The following MGAT4C variants were observed in gnomAD, a reference collection of about 807,000 sequenced individuals.
The protein encoded by MGAT4C is alpha-1,3-mannosyl-glycoprotein 4-beta-N-acetylglucosaminyltransferase C.
Under a neutral mutation model 40.1 loss-of-function variants are expected in MGAT4C, and 19 were observed. The ratio of observed to expected loss-of-function variants is 0.47; its 90% confidence interval spans 0.33 to 0.70. MGAT4C has a LOEUF of 0.70. MGAT4C is among the 30% of genes least tolerant of loss of function. MGAT4C has a pLI of 0.02. For missense variants in MGAT4C, 491 were observed against 563.2 expected, an observed-to-expected ratio of 0.87 and a Z score of 1.30; for synonymous variants, 181 against 187.1, an observed-to-expected ratio of 0.97 and a Z score of 0.27.
intron 1 of MGAT4C, among the ~76,000 whole-genome samples, chr12:86,146,462 C>A (rs539891507): frequency 1.2e-3 from 188 of 152,198 alleles, no homozygotes; most frequent in African/African-American, 4.3e-3. Flanking sequence ...TCCATTCACT[C>A]CCCTGGACTG....
At position 85,964,106 on chromosome 12, in the gene MGAT4C, A is replaced by C. The variant is rs1883243381; in HGVS notation, c.*15183T>G. On this transcript the variant is annotated 3_prime_UTR_variant, in exon 5 of 5. Coordinates refer to ENST00000611864, the MANE Select transcript of MGAT4C (RefSeq NM_001351288.2). ...CAATTACTGGTGTTTCAACAGAAAT[A>C]AACCCAACATCAGGATTTATCAAAT... 6.6e-6 allele frequency: 1 copy of C among 152,114 alleles called. No homozygotes were observed. The highest frequency in any genetic ancestry group is 1.5e-5 in the Non-Finnish European group (1 of 67,960). The allele number at this position is 152,114 out of a possible 1,614,324, so 9.4% of individuals were successfully genotyped here.
intron 2 of MGAT4C, among the ~76,000 whole-genome samples, chr12:86,568,449 GAC>G (rs1012004009): frequency 6.6e-6 from 1 of 151,706 alleles, no homozygotes; most frequent in African/African-American, 2.4e-5. Context: ...GAGGTTTTGA[GAC>G]ACAGATTGGC....
At chr12:86,552,026 CAA>C (rs201076856) in intron 2 of MGAT4C, among the ~76,000 whole-genome samples, 7 of 60,646 alleles carry the variant, frequency 1.2e-4, no homozygotes, top group Admixed American at 1.7e-4. Flanking sequence ...TTAAAAAAAG[CAA>C]AAAAAAAAAA....
At chr12:86,505,908 A>C (rs1457540962) in intron 2 of MGAT4C, among the ~76,000 whole-genome samples, 1 of 152,148 alleles carries the variant, frequency 6.6e-6, no homozygotes, top group African/African-American at 2.4e-5. Context: ...ATAAATCTAG[A>C]TTTTAAACAG....
chr12:85,962,837 A>G lies in MGAT4C; in HGVS notation c.*16452T>C, dbSNP rs1883183708. On this transcript the variant is annotated 3_prime_UTR_variant, in exon 5 of 5. Coordinates refer to ENST00000611864, the MANE Select transcript of MGAT4C (RefSeq NM_001351288.2). ...TCCACTCATTAAATAACATGGTAAG[A>G]CTGTTGTGTAATTGACTGAATAGTT... The G allele has an allele frequency of 2.0e-5, 3 of 151,602 alleles. No homozygotes were observed. The highest frequency in any genetic ancestry group is 3.0e-5 in the Non-Finnish European group (2 of 67,672). The allele number at this position is 151,602 out of a possible 1,614,324, so 9.4% of individuals were successfully genotyped here.
At chr12:86,713,097 C>T (rs1397701801) in intron 2 of MGAT4C, among the ~76,000 whole-genome samples, 1 of 37,104 alleles carries the variant, frequency 2.7e-5, no homozygotes, top group Non-Finnish European at 1.3e-4. Context: ...AGGCTGCACA[C>T]ACATACACAC....
intron 1 of MGAT4C, among the ~76,000 whole-genome samples, chr12:86,138,495 A>ATATATATCATATATATATTTCCATT (rs1882319738): frequency 6.8e-6 from 1 of 147,590 alleles, no homozygotes; most frequent in Non-Finnish European, 1.5e-5. Flanking sequence ...ATATTTCCAT[A>ATATATATCATATATATATTTCCATT]TATATATCAT....
chr12:86,104,306 G>A (rs1175938794), intron 1 of MGAT4C, among the ~76,000 whole-genome samples: 1 of 151,430 alleles, frequency 6.6e-6, no homozygotes, highest in African/African-American at 2.4e-5. Context: ...CGGGCATGGT[G>A]ACTCACGCCT....
intron 2 of MGAT4C, among the ~76,000 whole-genome samples, chr12:86,028,958 AC>A (rs1234468084): frequency 6.6e-6 from 1 of 151,902 alleles, no homozygotes; most frequent in Admixed American, 6.6e-5. Flanking sequence ...AGTAGTATGC[AC>A]TGTCTTCTCT....
chr12:85,989,529 T>C lies in MGAT4C; in HGVS notation c.18A>G (p.Gln6=), dbSNP rs770892207. 2.9e-5 allele frequency: 46 copies of C among 1,604,522 alleles called. No individual in the cohort carries two copies. The highest frequency in any genetic ancestry group is 4.0e-5 in the African/African-American group (3 of 74,634). MFKFH[Q]MKHIFEILDK... is the part of the protein sequence containing the mutation. ...CAAGTATTTCAAAAATATGTTTCATTTGATGAAATTTAAACATTCTCTTCT... is the reference window on the plus strand; with the variant it reads ...CAAGTATTTCAAAAATATGTTTCATCTGATGAAATTTAAACATTCTCTTCT... The change falls in exon 3 of 5, where the codon CAA becomes CAG. Residue 6 remains glutamine (Q), a synonymous_variant. Coordinates refer to ENST00000611864, the MANE Select transcript of MGAT4C (RefSeq NM_001351288.2).
At position 85,979,962 on chromosome 12, in the gene MGAT4C, G is replaced by C; in HGVS notation, c.764C>G (p.Ser255Cys). ...GAGTTTACCAATGTAGCCAAGCTTAGAGAATTCAAGAGTTACCCAGTAAGT... is the reference window on the plus strand; with the variant it reads ...GAGTTTACCAATGTAGCCAAGCTTACAGAATTCAAGAGTTACCCAGTAAGT... Reference protein sequence around the residue: ...EGTYWVTLEFSKLGYIGKLYH... With the variant: ...EGTYWVTLEFCKLGYIGKLYH... Residue 255 changes from serine to cysteine, a missense_variant, in exon 5 of 5, where the codon TCT becomes TGT. Ser to Cys is a moderately radical substitution (Grantham distance 112). Transcript: ENST00000611864. The C allele has an allele frequency of 1.2e-6, 2 of 1,613,758 alleles. No homozygotes were observed. Among genetic ancestry groups the C allele is most frequent in the Non-Finnish European group, 1.7e-6 (2 of 1,179,844 alleles).
At chr12:86,434,392 T>C (rs1957099484) in intron 3 of MGAT4C, among the ~76,000 whole-genome samples, 1 of 151,924 alleles carries the variant, frequency 6.6e-6, no homozygotes. Flanking sequence ...ATTTTGCTCA[T>C]GTCAAATATT....
At position 86,535,100 on chromosome 12, in the gene MGAT4C, A is replaced by G. The variant is rs372143120; in HGVS notation, c.-228-99835T>C. On this transcript the variant is annotated intron_variant, in intron 2 of 7. Transcript: ENST00000548651. ...TACTGTGAATACATAATTTAGAGTG[A>G]AAGCATTTGCAGTCTAATTATTGAT... Among the ~76,000 whole-genome samples the G allele has an allele frequency of 2.0e-5, 3 of 152,148 alleles. No homozygotes were observed. In the South Asian group the frequency reaches 6.2e-4, roughly 31 times the overall value.
intron 3 of MGAT4C, among the ~76,000 whole-genome samples, chr12:86,341,544 C>T (rs909271118): frequency 9.8e-5 from 15 of 152,332 alleles, no homozygotes; most frequent in Middle Eastern, 3.4e-3. Context: ...GAGCACCTCA[C>T]AAGATTAGAC....
chr12:86,765,933 T>G (rs1407626443), intron 1 of MGAT4C, among the ~76,000 whole-genome samples: 1 of 152,046 alleles, frequency 6.6e-6, no homozygotes, highest in Non-Finnish European at 1.5e-5. Context: ...GTAAAGACCA[T>G]CAAGACTAGG....
intron 3 of MGAT4C, among the ~76,000 whole-genome samples, chr12:86,360,077 A>C (rs1452917837): frequency 6.6e-6 from 1 of 152,192 alleles, no homozygotes; most frequent in African/African-American, 2.4e-5. Flanking sequence ...ATTGATGCAA[A>C]AATCCTCAAT....
chr12:86,089,967 T>G (rs1872602002), intron 1 of MGAT4C, among the ~76,000 whole-genome samples: 1 of 151,726 alleles, frequency 6.6e-6, no homozygotes, highest in Non-Finnish European at 1.5e-5. Context: ...TGGGAAAATA[T>G]TGGCTGATTG....
chr12:86,063,036 T>C (rs958228048), intron 1 of MGAT4C, among the ~76,000 whole-genome samples: 7 of 152,032 alleles, frequency 4.6e-5, no homozygotes, highest in African/African-American at 1.2e-4. Flanking sequence ...ACCACAAAGA[T>C]ACTCTTCAAG....
At chr12:86,448,691 T>C (rs1450602204) in intron 2 of MGAT4C, among the ~76,000 whole-genome samples, 1 of 152,172 alleles carries the variant, frequency 6.6e-6, no homozygotes, top group African/African-American at 2.4e-5. Flanking sequence ...CTAACATCAA[T>C]ATTTTCTTCT....
Sources: gnomAD v4.1 joint callset for allele counts (sites outside exome capture counted in the v4.1 genomes callset) on GRCh38, gnomAD v4.1.1 for gene constraint, MANE v1.5 for transcripts, NCBI Gene and HGNC (gene_info 2026-07-23, HGNC 2026-07-21) for gene names.